KIRREL2: variants seen among roughly 807,000 people sequenced by gnomAD.
The protein encoded by KIRREL2 is kin of IRRE-like protein 2.
KIRREL2 carries 56 observed loss-of-function variants against 73.4 expected under a neutral mutation model. The ratio of observed to expected loss-of-function variants is 0.76; its 90% confidence interval spans 0.62 to 0.95. KIRREL2 has a LOEUF of 0.95. Among genes scored for constraint, KIRREL2 ranks in the 40% least tolerant of loss-of-function variants. KIRREL2 has a pLI of 0.00. For synonymous variants in KIRREL2, 407 were observed against 404.0 expected (o/e 1.01, Z -0.09); for missense variants, 896 against 935.0 (o/e 0.96, Z 0.54).
At position 35,857,085 on chromosome 19, in the gene KIRREL2, G is replaced by C. The variant is rs1054518974; in HGVS notation, c.-35G>C. On this transcript the variant is annotated 5_prime_UTR_variant, in exon 1 of 15. Transcript: ENST00000360202. ...GAGGAAGAAGTTGACGGGAAGGCCA[G>C]TGCGACGGCAAATCTCGTGAACCTT... 3.1e-6 allele frequency: 5 copies of C among 1,612,906 alleles called. No individual in the cohort carries two copies. In the African/African-American group the frequency reaches 6.7e-5, roughly 21 times the overall value.
intron 4 of KIRREL2, 129 bp downstream of exon 4, chr19:35,858,993 T>TA: frequency 9.8e-7 from 1 of 1,024,210 alleles, no homozygotes; most frequent in South Asian, 1.6e-5. Flanking sequence ...ACTCTTGAAA[T>TA]ATGATGCAGG....
Position 35,861,541 on chromosome 19 carries a change from C to T in KIRREL2, c.1190C>T (p.Ala397Val). ...GAAEARLTVN[A>V]PPVVTALHSA... is the part of the protein sequence containing the mutation. ...GAGTGACCTACAGTCTCCATCCCAGCTCCCCCAGTAGTGACCGCCCTGCAC... is the reference window on the plus strand; with the variant it reads ...GAGTGACCTACAGTCTCCATCCCAGTTCCCCCAGTAGTGACCGCCCTGCAC... Residue 397 changes from alanine to valine, a missense_variant and splice_region_variant, in exon 10 of 15, where the codon GCT becomes GTT. Transcript: ENST00000360202. 1 of 1,613,778 alleles carries T rather than the reference C, an allele frequency of 6.2e-7. No homozygotes were observed. Among genetic ancestry groups the T allele is most frequent in the Non-Finnish European group, 8.5e-7 (1 of 1,179,830 alleles).
At chr19:35,851,657 G>T, upstream of KIRREL2, 2 of 1,612,900 alleles carry the variant, frequency 1.2e-6, no homozygotes, top group Admixed American at 3.3e-5. Flanking sequence ...GGCAGGAATC[G>T]CCAACTGCGC....
chr19:35,853,410 C>T (rs1272342357), upstream of KIRREL2, among the ~76,000 whole-genome samples: 1 of 152,234 alleles, frequency 6.6e-6, no homozygotes, highest in Non-Finnish European at 1.5e-5. Context: ...GCAAGGACTG[C>T]ATGAGCTTTC....
chr19:35,851,743 C>T, upstream of KIRREL2: 3 of 1,558,466 alleles, frequency 1.9e-6, no homozygotes, highest in Non-Finnish European at 2.6e-6. Flanking sequence ...AAATGGGGGC[C>T]ACTTGGCGCT....
upstream of KIRREL2, among the ~76,000 whole-genome samples, chr19:35,854,273 T>C (rs558837080): frequency 4.3e-4 from 66 of 152,300 alleles, no homozygotes; most frequent in African/African-American, 1.5e-3. Context: ...ATTACAGGCA[T>C]GAGCCACCGC....
rs555617407 is a variant in KIRREL2 at position 35,862,569 on chromosome 19, G to A, written c.1587G>A (p.Val529=). The A allele has an allele frequency of 1.3e-5, 21 of 1,609,478 alleles. No homozygotes were observed. Among genetic ancestry groups the A allele is most frequent in the Admixed American group, 1.7e-5 (1 of 60,000 alleles). Residue 529 remains valine (V), a synonymous_variant, in exon 12 of 15, where the codon GTG becomes GTA. Coordinates refer to ENST00000360202, the MANE Select transcript of KIRREL2 (RefSeq NM_199180.4). ...TTTLLMVITG[V]ALCCWRHSKA... is the part of the protein sequence containing the mutation. ...CTCTCCTTATGGTCATCACTGGGGTGGCCCTCTGCTGCTGGCGCCACAGCA... is the reference window on the plus strand; with the variant it reads ...CTCTCCTTATGGTCATCACTGGGGTAGCCCTCTGCTGCTGGCGCCACAGCA...
chr19:35,851,624 G>A, upstream of KIRREL2: 1 of 1,613,958 alleles, frequency 6.2e-7, no homozygotes, highest in South Asian at 1.1e-5. Flanking sequence ...TTCAGGCAGG[G>A]CCCAGAAGCC....
At chr19:35,861,078 G>C (rs767462367) in intron 8 of KIRREL2, 42 bp downstream of exon 8, 20 of 1,606,134 alleles carry the variant, frequency 1.2e-5, no homozygotes, top group Non-Finnish European at 1.6e-5. Context: ...GGGGGACCAG[G>C]CTTCCTTACA....
At chr19:35,855,155 C>A (rs749303139), upstream of KIRREL2, among the ~76,000 whole-genome samples, 1 of 152,078 alleles carries the variant, frequency 6.6e-6, no homozygotes, top group African/African-American at 2.4e-5. Flanking sequence ...CCTCCTCCCA[C>A]CTCCCCTCTC....
At chr19:35,863,124 C>T (rs2146875374) in intron 13 of KIRREL2, 88 bp downstream of exon 13, 1 of 741,880 alleles carries the variant, frequency 1.3e-6, no homozygotes, top group East Asian at 2.7e-5. Flanking sequence ...TCAAATAGGA[C>T]TCTAAGGCCA....
intron 2 of KIRREL2, 22 bp from the exon 3 acceptor site, chr19:35,858,386 A>G: frequency 6.2e-7 from 1 of 1,606,784 alleles, no homozygotes; most frequent in Non-Finnish European, 8.5e-7. Context: ...TGGTGTGCTG[A>G]CTGCCTTCTC....
At chr19:35,863,743 C>T (rs900406297) in intron 13 of KIRREL2, among the ~76,000 whole-genome samples, 8 of 151,928 alleles carry the variant, frequency 5.3e-5, no homozygotes, top group Non-Finnish European at 1.0e-4. Context: ...TGAGCCTCCA[C>T]GCCCGGCCTG....
At chr19:35,865,378 T>C (rs1973925362) in intron 14 of KIRREL2, among the ~76,000 whole-genome samples, 1 of 152,072 alleles carries the variant, frequency 6.6e-6, no homozygotes, top group Non-Finnish European at 1.5e-5. Context: ...CTGGAACTCC[T>C]GACCTCAAGT....
At chr19:35,864,762 G>A (rs1261351268) in intron 14 of KIRREL2, 49 bp downstream of exon 14, 3 of 1,396,890 alleles carry the variant, frequency 2.1e-6, no homozygotes, top group Non-Finnish European at 3.0e-6. Context: ...GAGAGGCGGG[G>A]CTCCCTTCAT....
intron 1 of KIRREL2, 58 bp from the exon 2 acceptor site, chr19:35,857,287 T>G: frequency 6.2e-7 from 1 of 1,609,934 alleles, no homozygotes; most frequent in Non-Finnish European, 8.5e-7. Context: ...TCCTGGGTCC[T>G]GAATGAGGAG....
chr19:35,860,186 G>T, intron 5 of KIRREL2, 111 bp from the exon 6 acceptor site: 1 of 807,592 alleles, frequency 1.2e-6, no homozygotes, highest in Non-Finnish European at 2.0e-6. Flanking sequence ...AAGGGAGAAG[G>T]GGATTAGGGG....
upstream of KIRREL2, among the ~76,000 whole-genome samples, chr19:35,855,119 C>T (rs973180195): frequency 1.3e-5 from 2 of 152,126 alleles, no homozygotes; most frequent in African/African-American, 4.8e-5. Flanking sequence ...GGACTTCCAT[C>T]TTCCCTCACA....
chr19:35,862,176 C>T, intron 11 of KIRREL2, 152 bp downstream of exon 11: 1 of 665,140 alleles, frequency 1.5e-6, no homozygotes, highest in Non-Finnish European at 2.5e-6. Flanking sequence ...TCATTGATTC[C>T]CAAGACACCC....
Sources: allele counts gnomAD v4.1 joint callset (sites outside exome capture counted in the v4.1 genomes callset), GRCh38; gene constraint gnomAD v4.1.1; transcripts MANE v1.5; gene names NCBI Gene and HGNC (gene_info 2026-07-23, HGNC 2026-07-21).